Variants in PRKACB observed in about 807,000 individuals in gnomAD.
PRKACB encodes the protein protein kinase cAMP-activated catalytic subunit beta.
In PRKACB, 16 loss-of-function variants were observed where a neutral mutation model predicts 51.4. That is an observed-to-expected ratio of 0.31 (90% CI 0.21 to 0.47). PRKACB has a LOEUF of 0.47. Among genes scored for constraint, PRKACB ranks in the 20% least tolerant of loss-of-function variants. The pLI is 1.00. For missense variants in PRKACB, 309 were observed against 464.5 expected, an observed-to-expected ratio of 0.67 and a Z score of 3.08; for synonymous variants, 147 against 154.4, an observed-to-expected ratio of 0.95 and a Z score of 0.35.
intron 1 of PRKACB, chr1:84,164,649 T>C (rs1423797402): frequency 2.2e-6 from 3 of 1,395,158 alleles, no homozygotes; most frequent in Non-Finnish European, 1.9e-6. Flanking sequence ...CATGCTGATA[T>C]AATTGAGAAC....
At chr1:84,113,710 C>T (rs1323637908) in intron 1 of PRKACB, among the ~76,000 whole-genome samples, 1 of 151,908 alleles carries the variant, frequency 6.6e-6, no homozygotes, top group Non-Finnish European at 1.5e-5. Context: ...CATGATAAAC[C>T]GCAAAAACAT....
At chr1:84,186,992 G>A (rs1348212479) in intron 5 of PRKACB, among the ~76,000 whole-genome samples, 1 of 152,150 alleles carries the variant, frequency 6.6e-6, no homozygotes, top group Non-Finnish European at 1.5e-5. Flanking sequence ...GCTTACAAAT[G>A]ATAGTACAAA....
At chr1:84,213,964 C>T (rs1408520593) in intron 8 of PRKACB, among the ~76,000 whole-genome samples, 189 bp from the exon 9 acceptor site, 3 of 152,172 alleles carry the variant, frequency 2.0e-5, no homozygotes, top group Admixed American at 6.5e-5. Flanking sequence ...AGTTCATTCA[C>T]CCAAGTAATT....
At chr1:84,176,346 G>A (rs1263908612) in intron 1 of PRKACB, among the ~76,000 whole-genome samples, 4 of 151,740 alleles carry the variant, frequency 2.6e-5, no homozygotes, top group Non-Finnish European at 4.4e-5. Context: ...CCAGAGAAGA[G>A]AAAGGCATTT....
chr1:84,142,741 A>G (rs1161386214), upstream of PRKACB, among the ~76,000 whole-genome samples: 1 of 152,180 alleles, frequency 6.6e-6, no homozygotes, highest in African/African-American at 2.4e-5. Flanking sequence ...ACTGTTACAT[A>G]CTTGTTTAGA....
chr1:84,171,817 G>A (rs772851278), intron 1 of PRKACB, among the ~76,000 whole-genome samples: 2 of 151,382 alleles, frequency 1.3e-5, no homozygotes, highest in Non-Finnish European at 3.0e-5. Context: ...AACAGAATCT[G>A]GCAAGATTGC....
chr1:84,168,885 T>C (rs2100783101), intron 1 of PRKACB, among the ~76,000 whole-genome samples: 1 of 151,700 alleles, frequency 6.6e-6, no homozygotes, highest in East Asian at 1.9e-4. Context: ...TAGAAGGCTC[T>C]TTCCTGACAT....
chr1:84,149,536 C>T (rs1654571562), intron 1 of PRKACB, among the ~76,000 whole-genome samples: 1 of 152,192 alleles, frequency 6.6e-6, no homozygotes, highest in African/African-American at 2.4e-5. Flanking sequence ...GCTGGGAATA[C>T]AGGCCTGAGC....
intron 1 of PRKACB, among the ~76,000 whole-genome samples, chr1:84,097,410 A>G (rs1649008587): frequency 6.6e-6 from 1 of 151,930 alleles, no homozygotes; most frequent in Non-Finnish European, 1.5e-5. Context: ...ATTGCCCCAC[A>G]TCTTCACCAT....
intron 1 of PRKACB, among the ~76,000 whole-genome samples, chr1:84,169,930 G>A (rs1658863601): frequency 6.6e-6 from 1 of 151,476 alleles, no homozygotes; most frequent in East Asian, 1.9e-4. Context: ...ATGCAAAATT[G>A]GAGACTAGAT....
intron 1 of PRKACB, among the ~76,000 whole-genome samples, chr1:84,116,593 T>C (rs1445477595): frequency 6.6e-6 from 1 of 152,188 alleles, no homozygotes; most frequent in Non-Finnish European, 1.5e-5. Context: ...ATTTTAAATA[T>C]GATTGGCTTT....
intron 1 of PRKACB, among the ~76,000 whole-genome samples, chr1:84,178,644 T>C (rs1472922323): frequency 6.6e-6 from 1 of 152,030 alleles, no homozygotes; most frequent in African/African-American, 2.4e-5. Flanking sequence ...GTTGGTGTCC[T>C]TTATGTGCTA....
chr1:84,120,651 A>T (rs1301046328), intron 1 of PRKACB, among the ~76,000 whole-genome samples: 1 of 152,114 alleles, frequency 6.6e-6, no homozygotes, highest in Non-Finnish European at 1.5e-5. Flanking sequence ...TACAAGAGTG[A>T]TATTAAAAAG....
At chr1:84,135,085 A>G (rs1047097118) in intron 1 of PRKACB, among the ~76,000 whole-genome samples, 1 of 152,214 alleles carries the variant, frequency 6.6e-6, no homozygotes, top group Non-Finnish European at 1.5e-5. Flanking sequence ...AGAAAGATAT[A>G]CCATATAATC....
intron 7 of PRKACB, among the ~76,000 whole-genome samples, chr1:84,198,914 G>GGT (rs1286267658): frequency 5.5e-5 from 8 of 145,478 alleles, no homozygotes; most frequent in Admixed American, 2.1e-4. Context: ...ACATATGTGT[G>GGT]GTGTGTGTGT....
chr1:84,179,985 C>T (rs1427448112), intron 2 of PRKACB, among the ~76,000 whole-genome samples: 1 of 146,956 alleles, frequency 6.8e-6, no homozygotes. Context: ...GTGATGTTCC[C>T]CTCCCTGTGT....
At chr1:84,078,443 A>C in intron 1 of PRKACB, 1 of 1,560,442 alleles carries the variant, frequency 6.4e-7, no homozygotes. Flanking sequence ...TCCGGGTCGC[A>C]GCTTCTGAGG....
Position 84,191,702 on chromosome 1 carries a change from T to G in PRKACB, c.561-4914T>G, listed in dbSNP as rs567699564. 2.6e-5 allele frequency among the ~76,000 whole-genome samples: 4 copies of G among 152,144 alleles called. No homozygotes were observed. In the South Asian group the frequency reaches 8.3e-4, roughly 32 times the overall value. On this transcript the variant is annotated intron_variant, in intron 5 of 9. Coordinates refer to ENST00000370685, the MANE Select transcript of PRKACB (RefSeq NM_182948.4). Reference sequence around the variant, plus strand: ...GAGAGGAGAGGGAGGGAGGAGAATATGGGCTGAAAAATTACCCAGTGGGTG... The same window carrying G: ...GAGAGGAGAGGGAGGGAGGAGAATAGGGGCTGAAAAATTACCCAGTGGGTG...
chr1:84,230,003 T>C (rs1218534412), intron 9 of PRKACB, among the ~76,000 whole-genome samples: 1 of 150,832 alleles, frequency 6.6e-6, no homozygotes, highest in Non-Finnish European at 1.5e-5. Context: ...ATGAAGTCCT[T>C]GCCCATGCCT....
Sources: gnomAD v4.1 joint callset for allele counts (sites outside exome capture counted in the v4.1 genomes callset) on GRCh38, gnomAD v4.1.1 for gene constraint, MANE v1.5 for transcripts, NCBI Gene and HGNC (gene_info 2026-07-23, HGNC 2026-07-21) for gene names.